Variants in TMEM117 observed in about 807,000 individuals in gnomAD.
TMEM117 encodes the protein transmembrane protein 117.
TMEM117 carries 27 observed loss-of-function variants against 52.4 expected under a neutral mutation model. The ratio of observed to expected loss-of-function variants is 0.51; its 90% CI spans 0.38 to 0.71. The LOEUF (loss-of-function observed/expected upper bound fraction) is 0.71. TMEM117 is among the 30% of genes least tolerant of loss of function. The pLI is 0.00. For missense variants in TMEM117, 556 were observed against 630.5 expected, an observed-to-expected ratio of 0.88 and a Z score of 1.26; for synonymous variants, 215 against 206.3, an observed-to-expected ratio of 1.04 and a Z score of -0.36.
At chr12:44,328,845 T>A (rs1446583638) in intron 6 of TMEM117, among the ~76,000 whole-genome samples, 9 of 151,994 alleles carry the variant, frequency 5.9e-5, no homozygotes, top group Admixed American at 5.9e-4. Flanking sequence ...ACAAGTCTCT[T>A]GTTACATCAA....
chr12:43,922,535 T>C (rs1307405207), intron 2 of TMEM117, among the ~76,000 whole-genome samples: 1 of 152,214 alleles, frequency 6.6e-6, no homozygotes, highest in East Asian at 1.9e-4. Flanking sequence ...TATGTTAGCA[T>C]GACTTAGCCT....
At chr12:43,948,498 G>A (rs1945170217) in intron 3 of TMEM117, among the ~76,000 whole-genome samples, 1 of 151,780 alleles carries the variant, frequency 6.6e-6, no homozygotes, top group Admixed American at 6.6e-5. Flanking sequence ...ATAGAGACGG[G>A]GTTTCACCGT....
At chr12:44,398,249 A>T in the TMEM117 span, among the ~76,000 whole-genome samples, 9 of 152,202 alleles carry the variant, frequency 5.9e-5, no homozygotes, top group South Asian at 1.9e-3. Context: ...AGGGTTGAGG[A>T]GTAGCTGCCA....
intron 2 of TMEM117, among the ~76,000 whole-genome samples, chr12:43,877,397 A>C (rs1325254048): frequency 6.6e-6 from 1 of 152,066 alleles, no homozygotes; most frequent in Non-Finnish European, 1.5e-5. Context: ...ACTTTGGGAC[A>C]CCGAGGCAGG....
At chr12:44,215,729 TA>T (rs767284602) in intron 5 of TMEM117, among the ~76,000 whole-genome samples, 171 of 146,798 alleles carry the variant, frequency 1.2e-3, no homozygotes, top group East Asian at 1.6e-3. Context: ...TAGCTTTTTT[TA>T]AAAAAAAAAA....
intron 6 of TMEM117, among the ~76,000 whole-genome samples, chr12:44,346,691 G>A (rs1951491931): frequency 6.6e-6 from 1 of 152,072 alleles, no homozygotes; most frequent in African/African-American, 2.4e-5. Flanking sequence ...GTCAAATGCG[G>A]CTTGACCAAT....
At chr12:44,026,170 C>G (rs1409919129) in intron 3 of TMEM117, among the ~76,000 whole-genome samples, 3 of 152,194 alleles carry the variant, frequency 2.0e-5, no homozygotes, top group Non-Finnish European at 2.9e-5. Flanking sequence ...ATTTCAAAGA[C>G]TTGGCTTGCT....
chr12:44,134,634 G>A (rs1333087074), intron 3 of TMEM117, among the ~76,000 whole-genome samples: 3 of 152,184 alleles, frequency 2.0e-5, no homozygotes, highest in African/African-American at 4.8e-5. Flanking sequence ...GGAATAATTT[G>A]AGAACCAACC....
chr12:43,864,925 G>A (rs1360098994), intron 2 of TMEM117, among the ~76,000 whole-genome samples: 1 of 152,122 alleles, frequency 6.6e-6, no homozygotes. Flanking sequence ...CACTCCTGAA[G>A]CCAACAAGAC....
At chr12:43,903,338 G>T (rs1040871430) in intron 2 of TMEM117, among the ~76,000 whole-genome samples, 2 of 151,894 alleles carry the variant, frequency 1.3e-5, no homozygotes, top group South Asian at 4.2e-4. Context: ...CGAGTGTTGA[G>T]GATATAAAAT....
At chr12:43,828,377 G>C in the TMEM117 span, among the ~76,000 whole-genome samples, 5 of 152,228 alleles carry the variant, frequency 3.3e-5, no homozygotes, top group Admixed American at 2.6e-4. Flanking sequence ...CTATGATGCA[G>C]GAAGGGCCTC....
At chr12:44,371,281 G>A (rs1448988192) in intron 6 of TMEM117, among the ~76,000 whole-genome samples, 2 of 152,054 alleles carry the variant, frequency 1.3e-5, no homozygotes, top group African/African-American at 4.8e-5. Context: ...ATGAAATACG[G>A]GGCATAGAGA....
At chr12:44,144,883 C>T (rs1048558260) in intron 4 of TMEM117, among the ~76,000 whole-genome samples, 7 of 152,184 alleles carry the variant, frequency 4.6e-5, no homozygotes, top group African/African-American at 1.2e-4. Context: ...CTGGGCCGGG[C>T]GCGGTGGCTC....
chr12:44,387,987 TG>T (rs1457140855), intron 7 of TMEM117, 38 bp from the exon 8 acceptor site: 2 of 1,540,924 alleles, frequency 1.3e-6, no homozygotes, highest in Non-Finnish European at 1.7e-6. Flanking sequence ...TGCAATTTTA[TG>T]GCCCTTTGAT....
At chr12:44,125,763 G>A (rs533713105) in intron 3 of TMEM117, among the ~76,000 whole-genome samples, 19 of 151,748 alleles carry the variant, frequency 1.3e-4, no homozygotes, top group Non-Finnish European at 2.4e-4. Flanking sequence ...GTTGCTTTGC[G>A]GTTGTTTGCT....
chr12:44,341,861 G>T (rs1951422211), intron 6 of TMEM117, among the ~76,000 whole-genome samples: 1 of 152,080 alleles, frequency 6.6e-6, no homozygotes, highest in Non-Finnish European at 1.5e-5. Context: ...AAACAGTTTT[G>T]GATTAATGAA....
chr12:44,066,506 C>G (rs1947223352), intron 3 of TMEM117, among the ~76,000 whole-genome samples: 1 of 151,974 alleles, frequency 6.6e-6, no homozygotes, highest in Non-Finnish European at 1.5e-5. Context: ...TCTAGACTGC[C>G]AAAATAAAGC....
At chr12:44,254,803 C>G (rs1308528333) in intron 5 of TMEM117, among the ~76,000 whole-genome samples, 1 of 151,940 alleles carries the variant, frequency 6.6e-6, no homozygotes, top group Non-Finnish European at 1.5e-5. Context: ...AGCTATCCCT[C>G]CCCTCTCCCC....
At chr12:43,825,299 T>A in the TMEM117 span, among the ~76,000 whole-genome samples, 1 of 152,364 alleles carries the variant, frequency 6.6e-6, no homozygotes, top group Non-Finnish European at 1.5e-5. Flanking sequence ...CTGGCCTACC[T>A]GCTTTTAAGG....
Sources: gnomAD v4.1 joint callset for allele counts (sites outside exome capture counted in the v4.1 genomes callset) on GRCh38, gnomAD v4.1.1 for gene constraint, MANE v1.5 for transcripts, NCBI Gene and HGNC (gene_info 2026-07-23, HGNC 2026-07-21) for gene names.